Variants in SLC9C2 observed in about 807,000 individuals in gnomAD.
SLC9C2 encodes sodium/hydrogen exchanger 11.
SLC9C2 carries 75 observed loss-of-function variants against 140.2 expected under a neutral mutation model. The observed-to-expected ratio is 0.53, with a 90% CI of 0.44 to 0.65. The LOEUF (loss-of-function observed/expected upper bound fraction) is 0.65, where lower values mean the gene tolerates loss of function less well. Among genes scored for constraint, SLC9C2 ranks in the 30% least tolerant of loss-of-function variants. The pLI is 0.00. For synonymous variants in SLC9C2, 375 were observed against 420.9 expected, an observed-to-expected ratio of 0.89 and a Z score of 1.34; for missense variants, 1,074 against 1,331.8, an observed-to-expected ratio of 0.81 and a Z score of 3.01.
intron 9 of SLC9C2, among the ~76,000 whole-genome samples, chr1:173,568,987 A>C (rs12029755): frequency 0.55 from 83,216 of 151,928 alleles, 24,894 homozygotes; most frequent in East Asian, 0.96. Context: ...TCTTCTAGGA[A>C]AGGTCTGATG....
chr1:173,601,520 A>T (rs1666782992), intron 2 of SLC9C2, 130 bp downstream of exon 2: 1 of 961,804 alleles, frequency 1.0e-6, no homozygotes, highest in East Asian at 2.6e-5. Flanking sequence ...AGCGAGATTG[A>T]CAGTATTCAC....
At chr1:173,529,476 C>A (rs1372992667) in intron 18 of SLC9C2, among the ~76,000 whole-genome samples, 1 of 151,874 alleles carries the variant, frequency 6.6e-6, no homozygotes, top group East Asian at 1.9e-4. Context: ...CTCACCCACC[C>A]CACAGTACCA....
In SLC9C2 at chr1:173,524,870, A is replaced by C. The variant is rs752144243; in HGVS notation, c.2423T>G (p.Ile808Ser). ...VVIALKTKQAIRNVIAKALKN... is the reference protein window; with the variant it reads ...VVIALKTKQASRNVIAKALKN... ...TAGAGCTTTAGCAATCACATTCCGG[A>C]TTGCCTGTTTAGTCTTCAAAGCAAT... is the stretch of plus-strand genomic sequence containing the variant. Residue 808 changes from isoleucine to serine, a missense_variant, in exon 20 of 28, where the codon ATC becomes AGC. Physicochemically the swap from Ile to Ser is moderately radical, Grantham distance 142. Coordinates refer to ENST00000367714, the MANE Select transcript of SLC9C2 (RefSeq NM_178527.4). The C allele has an allele frequency of 1.6e-5, 26 of 1,613,970 alleles. No individual in the cohort carries two copies. Among genetic ancestry groups the C allele is most frequent in the Non-Finnish European group, 2.0e-5 (24 of 1,179,976 alleles).
intron 7 of SLC9C2, 137 bp from the exon 8 acceptor site, chr1:173,576,897 A>G: frequency 1.6e-6 from 1 of 614,460 alleles, no homozygotes; most frequent in Non-Finnish European, 2.7e-6. Flanking sequence ...CAAGGGATTG[A>G]CCTAATCCAG....
intron 17 of SLC9C2, among the ~76,000 whole-genome samples, chr1:173,530,423 C>T (rs1661500292): frequency 6.6e-6 from 1 of 152,206 alleles, no homozygotes. Flanking sequence ...GGTCTCCTAA[C>T]CTGGGTCATA....
At chr1:173,564,570 T>C (rs1377237213) in intron 9 of SLC9C2, among the ~76,000 whole-genome samples, 1 of 152,118 alleles carries the variant, frequency 6.6e-6, no homozygotes, top group East Asian at 1.9e-4. Context: ...TTCCTATGAC[T>C]TGTTTGAGCT....
chr1:173,547,687 A>G lies in SLC9C2; in HGVS notation c.1557+2T>C, dbSNP rs548355015. Reference sequence around the variant, plus strand: ...TTAAAACATTATGTGAACAGCACCAACCATTTGTATTGCAGCTACATGCAA... The same window carrying G: ...TTAAAACATTATGTGAACAGCACCAGCCATTTGTATTGCAGCTACATGCAA... On this transcript the variant is annotated splice_donor_variant, in intron 13 of 27. Transcript: ENST00000367714. LOFTEE classifies it high-confidence loss of function. 6.2e-7 allele frequency: 1 copy of G among 1,607,794 alleles called. No homozygotes were observed. Among genetic ancestry groups the G allele is most frequent in the Admixed American group, 1.7e-5 (1 of 59,926 alleles).
rs183562641 is a variant in SLC9C2 at position 173,523,177 on chromosome 1, G to C, written c.2640+792C>G. ...ACTTGAAGTAAGGAGTTCGAGACCAGCCTGGCCAACATGATGAAACCCCGT... is the reference window on the plus strand; with the variant it reads ...ACTTGAAGTAAGGAGTTCGAGACCACCCTGGCCAACATGATGAAACCCCGT... On this transcript the variant is annotated intron_variant, in intron 21 of 27. Coordinates refer to ENST00000367714, the MANE Select transcript of SLC9C2 (RefSeq NM_178527.4). Among the ~76,000 whole-genome samples the C allele has an allele frequency of 3.7e-4, 57 of 152,174 alleles. No individual in the cohort carries two copies. In the East Asian group the frequency reaches 0.011, roughly 29 times the overall value.
rs545442471 is a variant in SLC9C2, at chr1:173,533,621, A to G, written c.2151T>C (p.Leu717=). ...TGTGAAATCTTACCTTGAAGAGAGG[A>G]AGAAACCTAATTATTCTTAAATATC... ...IMGYLRIIRF[L]PLFKIIVPIL... The change falls in exon 17 of 28, where the codon CTT becomes CTC. Residue 717 remains leucine (L), a synonymous_variant. Transcript: ENST00000367714. 1.3e-6 allele frequency: 2 copies of G among 1,592,028 alleles called. No homozygotes were observed. The highest frequency in any genetic ancestry group is 2.3e-5 in the South Asian group (2 of 88,468).
chr1:173,515,162 G>A (rs1259302346), intron 23 of SLC9C2, among the ~76,000 whole-genome samples: 1 of 152,080 alleles, frequency 6.6e-6, no homozygotes, highest in Non-Finnish European at 1.5e-5. Context: ...GTATCTTAGT[G>A]GTGTTCTCTG....
chr1:173,552,601 G>GA (rs1370388195), intron 11 of SLC9C2, among the ~76,000 whole-genome samples: 3 of 151,728 alleles, frequency 2.0e-5, no homozygotes, highest in East Asian at 1.9e-4. Context: ...TCTAAAAAAT[G>GA]AAAAAACAAA....
intron 4 of SLC9C2, among the ~76,000 whole-genome samples, chr1:173,589,883 A>T (rs183998843): frequency 7.9e-5 from 12 of 152,320 alleles, no homozygotes; most frequent in Admixed American, 7.8e-4. Flanking sequence ...ACTGAAAGAT[A>T]AAAGACAGAG....
rs144934408 is a variant in SLC9C2 at position 173,555,995 on chromosome 1, G to T, written c.1216-1181C>A. Reference sequence around the variant, plus strand: ...AATACTGTACTCCTTGGGACTTCGGGGCAGCAGCAAAATAGTAAAGAGAAG... The same window carrying T: ...AATACTGTACTCCTTGGGACTTCGGTGCAGCAGCAAAATAGTAAAGAGAAG... On this transcript the variant is annotated intron_variant, in intron 10 of 27. Transcript: ENST00000367714. Among the ~76,000 whole-genome samples, 45 of 152,212 alleles carry T rather than the reference G, an allele frequency of 3.0e-4. No individual in the cohort carries two copies. The East Asian group carries it at 4.6e-3, about 16-fold the overall frequency.
intron 16 of SLC9C2, 64 bp from the exon 17 acceptor site, chr1:173,533,861 T>C (rs1661761999): frequency 6.8e-7 from 1 of 1,466,640 alleles, no homozygotes; most frequent in African/African-American, 1.4e-5. Context: ...AAGAAATCTA[T>C]AAAATTAACA....
chr1:173,596,620 A>C (rs1046378034), intron 4 of SLC9C2: 12 of 152,128 alleles, frequency 7.9e-5, no homozygotes, highest in African/African-American at 2.7e-4. Flanking sequence ...ATCTATTTTT[A>C]ATTACAATAA....
intron 3 of SLC9C2, among the ~76,000 whole-genome samples, chr1:173,599,089 T>G (rs1485858386): frequency 6.6e-6 from 1 of 152,130 alleles, no homozygotes; most frequent in East Asian, 1.9e-4. Flanking sequence ...TGAACACAAC[T>G]GCTGCCTTTT....
In SLC9C2 at chr1:173,535,987, A is replaced by T. The variant is rs764718082; in HGVS notation, c.1656-38T>A. On this transcript the variant is annotated intron_variant, in intron 14 of 27. Coordinates refer to ENST00000367714, the MANE Select transcript of SLC9C2 (RefSeq NM_178527.4). The stretch of plus-strand genomic sequence containing the variant: ...AATGTACATATGTGTTATAATAAAA[A>T]GCAAGTGCTATACTTTGGGTTAATA... 14 of 1,461,602 alleles carry T rather than the reference A, an allele frequency of 9.6e-6. No homozygotes were observed. The African/African-American group carries it at 2.1e-4, about 22-fold the overall frequency. The allele number at this position is 1,461,602 out of a possible 1,614,324, so 90.5% of individuals were successfully genotyped here.
At chr1:173,598,640 C>CATT (rs1666579356) in intron 3 of SLC9C2, among the ~76,000 whole-genome samples, 1 of 152,210 alleles carries the variant, frequency 6.6e-6, no homozygotes, top group African/African-American at 2.4e-5. Flanking sequence ...GTTTAACTTT[C>CATT]ATTACTTCAC....
intron 10 of SLC9C2, among the ~76,000 whole-genome samples, chr1:173,555,713 G>A (rs1383196890): frequency 6.6e-6 from 1 of 152,152 alleles, no homozygotes; most frequent in Non-Finnish European, 1.5e-5. Flanking sequence ...CAAAGTCTTT[G>A]CAAAACCACT....
Sources: gnomAD v4.1 joint callset for allele counts (sites outside exome capture counted in the v4.1 genomes callset) on GRCh38, gnomAD v4.1.1 for gene constraint, MANE v1.5 for transcripts, NCBI Gene and HGNC (gene_info 2026-07-23, HGNC 2026-07-21) for gene names.